MCOLN2: variants seen among roughly 807,000 people sequenced by gnomAD.
The protein encoded by MCOLN2 is mucolipin TRP cation channel 2, also known as mucolipin-2.
In MCOLN2, 57 loss-of-function variants were observed where a neutral mutation model predicts 67.5. The observed-to-expected ratio is 0.84, with a 90% CI of 0.68 to 1.05. The LOEUF (loss-of-function observed/expected upper bound fraction) is 1.05, where lower values mean the gene tolerates loss of function less well. Among genes scored for constraint, MCOLN2 ranks in the 50% least tolerant of loss-of-function variants. MCOLN2 has a pLI of 0.00. For missense variants in MCOLN2, 620 were observed against 678.8 expected (o/e 0.91, Z 0.96); for synonymous variants, 246 against 233.3 (o/e 1.05, Z -0.50).
At chr1:84,989,111 G>A (rs1415536012) in intron 1 of MCOLN2, among the ~76,000 whole-genome samples, 2 of 152,126 alleles carry the variant, frequency 1.3e-5, no homozygotes, top group Non-Finnish European at 2.9e-5. Flanking sequence ...TTCATGAAGG[G>A]TGGGTCTTGT....
chr1:84,956,968 C>T (rs1029052816), intron 3 of MCOLN2, among the ~76,000 whole-genome samples: 2 of 152,132 alleles, frequency 1.3e-5, no homozygotes, highest in Non-Finnish European at 2.9e-5. Flanking sequence ...TGGAGACCCA[C>T]GTACATACCC....
At position 84,937,762 on chromosome 1, in the gene MCOLN2, T is replaced by C. The variant is rs144977115; in HGVS notation, c.1328A>G (p.His443Arg). The C allele has an allele frequency of 1.8e-5, 29 of 1,614,184 alleles. No individual in the cohort carries two copies. In the African/African-American group the frequency reaches 2.9e-4, roughly 16 times the overall value. Residue 443 changes from histidine to arginine, a missense_variant, in exon 11 of 14, where the codon CAT becomes CGT. By Grantham distance (29) the His-to-Arg change is conservative. Transcript: ENST00000370608. Reference sequence around the variant, plus strand: ...AGAATGTGAGCTACACACCTTGTCATGGTATGGTCCTAAGACAATCCAGCC... The same window carrying C: ...AGAATGTGAGCTACACACCTTGTCACGGTATGGTCCTAAGACAATCCAGCC... ...FCGWIVLGPY[H>R]DKFENLNTVA...
chr1:84,990,010 T>A (rs1161544962), intron 1 of MCOLN2, among the ~76,000 whole-genome samples: 1 of 152,054 alleles, frequency 6.6e-6, no homozygotes, highest in African/African-American at 2.4e-5. Context: ...AGAATCAAAC[T>A]TCTGGGCCGG....
chr1:84,941,035 GAGA>G (rs747147520), intron 7 of MCOLN2, 44 bp from the exon 8 acceptor site: 1 of 1,277,356 alleles, frequency 7.8e-7, no homozygotes, highest in Admixed American at 1.9e-5. Context: ...CACCTTACCG[GAGA>G]ATAATTTCCA....
Position 84,996,923 on chromosome 1 carries a change from A to G in MCOLN2, c.-51T>C. The G allele has an allele frequency of 6.6e-7, 1 of 1,515,330 alleles. No homozygotes were observed. Among genetic ancestry groups the G allele is most frequent in the South Asian group, 1.1e-5 (1 of 88,724 alleles). The allele number at this position is 1,515,330 out of a possible 1,614,324, so 93.9% of individuals were successfully genotyped here. A position where few individuals can be genotyped will look rare whatever the true frequency, so the allele number is the denominator to read the frequency against. On this transcript the variant is annotated 5_prime_UTR_variant, in exon 1 of 14. Coordinates refer to ENST00000370608, the MANE Select transcript of MCOLN2 (RefSeq NM_153259.4). Reference sequence around the variant, plus strand: ...GCTCTCGGGATTCGGAACAGGAAACACCGTTCACGGCCGACTCATTTCGCC... The same window carrying G: ...GCTCTCGGGATTCGGAACAGGAAACGCCGTTCACGGCCGACTCATTTCGCC...
At chr1:84,994,922 G>A (rs1190959409) in intron 1 of MCOLN2, among the ~76,000 whole-genome samples, 2 of 152,140 alleles carry the variant, frequency 1.3e-5, no homozygotes, top group Non-Finnish European at 2.9e-5. Context: ...TAAGAGACCT[G>A]TGATTGTCCC....
intron 1 of MCOLN2, among the ~76,000 whole-genome samples, chr1:84,976,759 C>G (rs190903996): frequency 6.6e-6 from 1 of 151,950 alleles, no homozygotes. Context: ...GACCAAGACT[C>G]CATCTCAAAA....
At chr1:84,953,125 T>C (rs1008330069) in intron 4 of MCOLN2, among the ~76,000 whole-genome samples, 7 of 152,184 alleles carry the variant, frequency 4.6e-5, no homozygotes, top group African/African-American at 1.4e-4. Flanking sequence ...GAGCACTGTA[T>C]AGTGGTTGTG....
At chr1:84,965,197 G>A (rs1288621982) in intron 2 of MCOLN2, among the ~76,000 whole-genome samples, 3 of 152,146 alleles carry the variant, frequency 2.0e-5, no homozygotes, top group Non-Finnish European at 4.4e-5. Flanking sequence ...GATTCTATAA[G>A]TCTGAAGACA....
chr1:84,995,777 A>C (rs957257424), intron 1 of MCOLN2, among the ~76,000 whole-genome samples: 1 of 150,854 alleles, frequency 6.6e-6, no homozygotes, highest in Non-Finnish European at 1.5e-5. Context: ...GCTTCATTAA[A>C]ATATTTTATA....
intron 11 of MCOLN2, among the ~76,000 whole-genome samples, chr1:84,932,977 C>T (rs972786785): frequency 1.1e-4 from 16 of 152,160 alleles, no homozygotes; most frequent in Middle Eastern, 3.2e-3. Context: ...GTGATAAGTT[C>T]CTCCTTTATG....
At chr1:84,973,773 T>C (rs1471737262) in intron 1 of MCOLN2, among the ~76,000 whole-genome samples, 1 of 152,202 alleles carries the variant, frequency 6.6e-6, no homozygotes, top group Non-Finnish European at 1.5e-5. Flanking sequence ...GATCATCCTC[T>C]CACAAGAGGA....
intron 7 of MCOLN2, 54 bp downstream of exon 7, chr1:84,946,979 T>C (rs1648145249): frequency 5.8e-6 from 5 of 867,706 alleles, no homozygotes; most frequent in South Asian, 4.3e-5. Context: ...AGCCACAAAA[T>C]AAAGTGTTAA....
chr1:84,985,756 A>G (rs1365744206), intron 1 of MCOLN2, among the ~76,000 whole-genome samples: 1 of 152,218 alleles, frequency 6.6e-6, no homozygotes, highest in African/African-American at 2.4e-5. Flanking sequence ...GACCTCTACA[A>G]GGAAACCTAC....
chr1:84,929,423 G>T, intron 13 of MCOLN2, 135 bp downstream of exon 13: 1 of 1,013,806 alleles, frequency 9.9e-7, no homozygotes, highest in Non-Finnish European at 1.4e-6. Flanking sequence ...ATTTCAGTGG[G>T]AGGAAAGAAA....
At chr1:84,939,999 A>G (rs1258317452) in intron 8 of MCOLN2, among the ~76,000 whole-genome samples, 2 of 152,146 alleles carry the variant, frequency 1.3e-5, no homozygotes, top group African/African-American at 2.4e-5. Context: ...CAACACATCC[A>G]TTCCGATAAC....
intron 1 of MCOLN2, among the ~76,000 whole-genome samples, chr1:84,981,017 A>C (rs1005711342): frequency 1.3e-5 from 2 of 152,240 alleles, no homozygotes; most frequent in Admixed American, 1.3e-4. Flanking sequence ...ATGTCTCAAA[A>C]GAAGACATAC....
chr1:84,932,010 C>A (rs184102755), intron 11 of MCOLN2, among the ~76,000 whole-genome samples: 49 of 148,618 alleles, frequency 3.3e-4, no homozygotes, highest in African/African-American at 1.1e-3. Flanking sequence ...GGGGACACAG[C>A]GAGACCCTGT....
chr1:84,983,935 A>G (rs1196079720), intron 1 of MCOLN2, among the ~76,000 whole-genome samples: 1 of 152,104 alleles, frequency 6.6e-6, no homozygotes, highest in Admixed American at 6.5e-5. Flanking sequence ...CGGCCTCCCA[A>G]AGTGCTGGGA....
Sources: gnomAD v4.1 joint callset for allele counts (sites outside exome capture counted in the v4.1 genomes callset) on GRCh38, gnomAD v4.1.1 for gene constraint, MANE v1.5 for transcripts, NCBI Gene and HGNC (gene_info 2026-07-23, HGNC 2026-07-21) for gene names.